MTMR9: variants seen among roughly 807,000 people sequenced by gnomAD.
The protein encoded by MTMR9 is myotubularin-related protein 9.
Under a neutral mutation model 69.5 loss-of-function variants are expected in MTMR9, and 39 were observed. That is an observed-to-expected ratio of 0.56 (90% CI 0.43 to 0.73). The LOEUF (loss-of-function observed/expected upper bound fraction) is 0.73, where lower values mean the gene tolerates loss of function less well. MTMR9 is among the 30% of genes least tolerant of loss of function. The pLI, the probability that MTMR9 is intolerant of heterozygous loss-of-function variation, is 0.00. For missense variants in MTMR9, 900 were observed against 671.2 expected (o/e 1.34, Z -3.77); for synonymous variants, 354 against 240.8 (o/e 1.47, Z -4.35).
chr8:11,316,901 C>T lies in MTMR9; in HGVS notation c.1334+8C>T, dbSNP rs551164289. ...CAACAATGAAAGTGAAAGGTGAGTA[C>T]ACTGCTCACATGGGGACCTTTCCTT... On this transcript the variant is annotated splice_region_variant and intron_variant, in intron 8 of 9. Transcript: ENST00000221086. The T allele has an allele frequency of 5.8e-6, 9 of 1,563,090 alleles. No homozygotes were observed. The African/African-American group carries it at 1.1e-4, about 19-fold the overall frequency.
chr8:11,310,103 A>G (rs1409407399), intron 6 of MTMR9, among the ~76,000 whole-genome samples: 1 of 152,274 alleles, frequency 6.6e-6, no homozygotes, highest in African/African-American at 2.4e-5. Context: ...GTTACACAGT[A>G]AAATGATCCT....
chr8:11,330,247 G>C (rs1325654318), downstream of MTMR9, among the ~76,000 whole-genome samples: 1 of 151,530 alleles, frequency 6.6e-6, no homozygotes, highest in Admixed American at 6.6e-5. Context: ...GAGGGAGGTG[G>C]AGGGTCAGCC....
At chr8:11,329,393 C>T (rs141385034), downstream of MTMR9, among the ~76,000 whole-genome samples, 23 of 152,352 alleles carry the variant, frequency 1.5e-4, no homozygotes, top group South Asian at 1.2e-3. Flanking sequence ...GCTGCCATCT[C>T]GGCTCACTGC....
Position 11,309,648 on chromosome 8 carries a change from A to T in MTMR9, c.931A>T (p.Ile311Phe). 6.2e-7 allele frequency: 1 copy of T among 1,613,958 alleles called. No individual in the cohort carries two copies. Among genetic ancestry groups the T allele is most frequent in the Non-Finnish European group, 8.5e-7 (1 of 1,179,870 alleles). Residue 311 changes from isoleucine (I) to phenylalanine (F), a missense_variant, in exon 6 of 10, where the codon ATT becomes TTT. Transcript: ENST00000221086. Reference protein sequence around the residue: ...ASNWLTHIKEILTTACLAAQC... With the variant: ...ASNWLTHIKEFLTTACLAAQC... ...TAACTGGCTGACTCACATCAAAGAGATTCTGACAACTGCCTGCCTAGCGGC... is the reference window on the plus strand; with the variant it reads ...TAACTGGCTGACTCACATCAAAGAGTTTCTGACAACTGCCTGCCTAGCGGC...
intron 2 of MTMR9, 102 bp from the exon 3 acceptor site, chr8:11,299,921 C>A: frequency 7.7e-7 from 1 of 1,304,688 alleles, no homozygotes; most frequent in Non-Finnish European, 1.0e-6. Flanking sequence ...TCTGGGTGCC[C>A]ATCATTATTA....
chr8:11,292,744 G>A (rs1046147525), intron 1 of MTMR9, among the ~76,000 whole-genome samples: 1 of 152,144 alleles, frequency 6.6e-6, no homozygotes, highest in Admixed American at 6.5e-5. Context: ...ACACAGTCAT[G>A]TGATTTATTA....
chr8:11,305,022 C>A lies in MTMR9; in HGVS notation c.591+8C>A. The A allele has an allele frequency of 6.2e-7, 1 of 1,612,944 alleles. No homozygotes were observed. The highest frequency in any genetic ancestry group is 1.3e-5 in the African/African-American group (1 of 74,996). The stretch of plus-strand genomic sequence containing the variant: ...CACAAAAAAAATGGGATGGTAAGTG[C>A]ACAGCACTACTGCTTGATGTACTGA... On this transcript the variant is annotated splice_region_variant and intron_variant, in intron 4 of 9. Coordinates refer to ENST00000221086, the MANE Select transcript of MTMR9 (RefSeq NM_015458.4).
At chr8:11,309,777 A>G in intron 6 of MTMR9, 89 bp downstream of exon 6, 1 of 1,440,724 alleles carries the variant, frequency 6.9e-7, no homozygotes, top group Non-Finnish European at 9.4e-7. Context: ...AGATTATGTG[A>G]AAGTTTGCAG....
intron 7 of MTMR9, chr8:11,315,805 A>T (rs138664467): frequency 1.3e-5 from 2 of 152,290 alleles, no homozygotes; most frequent in South Asian, 4.1e-4. Context: ...ATGAAAGTCT[A>T]TTGAGCTATA....
intron 2 of MTMR9, among the ~76,000 whole-genome samples, chr8:11,296,594 T>A (rs78120297): frequency 0.055 from 8,393 of 152,236 alleles, 805 homozygotes; most frequent in African/African-American, 0.19. Flanking sequence ...TCTCTGAATT[T>A]GACTACTTTA....
chr8:11,316,556 T>C (rs1585131347), intron 7 of MTMR9, 117 bp from the exon 8 acceptor site: 1 of 591,972 alleles, frequency 1.7e-6, no homozygotes, highest in Non-Finnish European at 2.9e-6. Flanking sequence ...CTACCCTAAT[T>C]ATATGATGTT....
chr8:11,335,691 T>A, the MTMR9 span, among the ~76,000 whole-genome samples: 1 of 152,356 alleles, frequency 6.6e-6, no homozygotes, highest in South Asian at 2.1e-4. Flanking sequence ...ATTTCTTGCC[T>A]AGCTTCTGGT....
rs1271768707 is a variant in MTMR9 at position 11,306,186 on chromosome 8, CT to C, written c.592-3del. The stretch of plus-strand genomic sequence containing the variant: ...TTGAATTTTCAGCTTTATTATGCTT[CT>C]AGGTAATTATGCGAAGTGGTCAGCC... On this transcript the variant is annotated splice_region_variant and splice_polypyrimidine_tract_variant and intron_variant, in intron 4 of 9. Coordinates refer to ENST00000221086, the MANE Select transcript of MTMR9 (RefSeq NM_015458.4). The C allele has an allele frequency of 8.7e-6, 14 of 1,611,862 alleles. No homozygotes were observed. The highest frequency in any genetic ancestry group is 1.2e-5 in the Non-Finnish European group (14 of 1,179,606).
chr8:11,330,595 T>C (rs1801174903), downstream of MTMR9, among the ~76,000 whole-genome samples: 1 of 152,236 alleles, frequency 6.6e-6, no homozygotes, highest in South Asian at 2.1e-4. Context: ...TGCCTTGGGA[T>C]ACTGTTGATC....
Position 11,296,611 on chromosome 8 carries a change from T to G in MTMR9, c.291+1309T>G, listed in dbSNP as rs552947778. Reference sequence around the variant, plus strand: ...TCTGAATTTGACTACTTTAGGTATCTCATATAAGTAGAATCATAGTACATA... The same window carrying G: ...TCTGAATTTGACTACTTTAGGTATCGCATATAAGTAGAATCATAGTACATA... On this transcript the variant is annotated intron_variant, in intron 2 of 9. Coordinates refer to ENST00000221086, the MANE Select transcript of MTMR9 (RefSeq NM_015458.4). Among the ~76,000 whole-genome samples the G allele has an allele frequency of 2.6e-5, 4 of 152,318 alleles. No homozygotes were observed. In the South Asian group the frequency reaches 6.2e-4, roughly 24 times the overall value.
intron 1 of MTMR9, 133 bp downstream of exon 1, chr8:11,285,203 A>G (rs1030575911): frequency 3.3e-6 from 3 of 905,130 alleles, no homozygotes; most frequent in Non-Finnish European, 4.8e-6. Context: ...TGTGGCCTAG[A>G]ATCAGGATTT....
In MTMR9 at chr8:11,322,879, C is replaced by T; in HGVS notation, c.*91C>T. The T allele has an allele frequency of 8.1e-7, 1 of 1,232,786 alleles. No individual in the cohort carries two copies. Among genetic ancestry groups the T allele is most frequent in the Non-Finnish European group, 1.1e-6 (1 of 881,914 alleles). The allele number at this position is 1,232,786 out of a possible 1,614,324, so 76.4% of individuals were successfully genotyped here. ...CTTCAGTTCACTTTTACACGGTAGC[C>T]TTGAAGTGAAGGCTTTAGATGTGGG... is the stretch of plus-strand genomic sequence containing the variant. On this transcript the variant is annotated 3_prime_UTR_variant, in exon 10 of 10. Transcript: ENST00000221086.
chr8:11,319,236 A>G lies in MTMR9; in HGVS notation c.1335-451A>G, dbSNP rs185945548. On this transcript the variant is annotated intron_variant, in intron 8 of 9. Coordinates refer to ENST00000221086, the MANE Select transcript of MTMR9 (RefSeq NM_015458.4). ...CAACAAGCCCTTTCTTAAAGAAACT[A>G]GAAAAATAAATAGGACATAAATGTC... 7 of 152,864 alleles carry G rather than the reference A, an allele frequency of 4.6e-5. No individual in the cohort carries two copies. In the East Asian group the frequency reaches 1.3e-3, roughly 29 times the overall value. 9.5% of individuals were successfully genotyped at this position (152,864 alleles called of 1,614,324 possible). A position where few individuals can be genotyped will look rare whatever the true frequency, so the allele number is the denominator to read the frequency against.
intron 2 of MTMR9, among the ~76,000 whole-genome samples, chr8:11,299,581 C>T (rs1274091354): frequency 6.6e-6 from 1 of 152,174 alleles, no homozygotes; most frequent in Non-Finnish European, 1.5e-5. Context: ...TCCTTTTTTA[C>T]AGTTACTAAC....
Sources: gnomAD v4.1 joint callset for allele counts (sites outside exome capture counted in the v4.1 genomes callset) on GRCh38, gnomAD v4.1.1 for gene constraint, MANE v1.5 for transcripts, NCBI Gene and HGNC (gene_info 2026-07-23, HGNC 2026-07-21) for gene names.